NAV3: variants seen among roughly 807,000 people sequenced by gnomAD.
NAV3 encodes the protein pore membrane and/or filament interacting like protein 1.
NAV3 carries 87 observed loss-of-function variants against 244.7 expected under a neutral mutation model. The observed-to-expected ratio is 0.36, with a 90% confidence interval of 0.30 to 0.42. The LOEUF is 0.42. Ranked by LOEUF, NAV3 falls within the 20% of genes least tolerant of loss-of-function variation. The pLI, the probability that NAV3 is intolerant of heterozygous loss-of-function variation, is 1.00. For missense variants in NAV3, 2,663 were observed against 2,893.3 expected, an observed-to-expected ratio of 0.92 and a Z score of 1.83; for synonymous variants, 1,126 against 1,042.2, an observed-to-expected ratio of 1.08 and a Z score of -1.55.
intron 2 of NAV3, among the ~76,000 whole-genome samples, chr12:77,586,220 G>C (rs1869607877): frequency 6.6e-6 from 1 of 152,070 alleles, no homozygotes; most frequent in Non-Finnish European, 1.5e-5. Flanking sequence ...ATTGCTCCTG[G>C]TACTCTATTC....
At chr12:78,167,529 TAA>T (rs1317554009) in intron 23 of NAV3, among the ~76,000 whole-genome samples, 1 of 149,008 alleles carries the variant, frequency 6.7e-6, no homozygotes, top group Non-Finnish European at 1.5e-5. Context: ...TTTTTTTTTT[TAA>T]AGTGTCTAAG....
chr12:77,940,532 T>C, intron 2 of NAV3, 96 bp downstream of exon 2: 1 of 855,008 alleles, frequency 1.2e-6, no homozygotes, highest in Non-Finnish European at 1.9e-6. Context: ...AACTGGTCCA[T>C]GTGTCTCTGA....
intron 2 of NAV3, among the ~76,000 whole-genome samples, chr12:77,804,258 C>A (rs1170853128): frequency 6.6e-6 from 1 of 152,068 alleles, no homozygotes; most frequent in Non-Finnish European, 1.5e-5. Flanking sequence ...CCTAGGTTTT[C>A]TTCTAGGGTT....
intron 2 of NAV3, among the ~76,000 whole-genome samples, chr12:77,812,328 C>A (rs1376088335): frequency 1.3e-5 from 2 of 152,032 alleles, no homozygotes; most frequent in African/African-American, 4.8e-5. Context: ...TTTCATTTCC[C>A]TCCTCTAAAC....
intron 36 of NAV3, chr12:78,199,039 A>G (rs1250374014): frequency 5.4e-6 from 3 of 557,796 alleles, no homozygotes; most frequent in Admixed American, 2.2e-5. Flanking sequence ...GAGAGTTGCT[A>G]TTTCAGGATT....
At chr12:77,770,500 A>G (rs937177482) in intron 2 of NAV3, among the ~76,000 whole-genome samples, 7 of 152,208 alleles carry the variant, frequency 4.6e-5, no homozygotes, top group Non-Finnish European at 1.0e-4. Context: ...AAACTTCTTT[A>G]GAGCTCTTAA....
intron 12 of NAV3, among the ~76,000 whole-genome samples, chr12:78,096,853 A>G (rs1377554404): frequency 6.6e-6 from 1 of 152,090 alleles, no homozygotes; most frequent in African/African-American, 2.4e-5. Flanking sequence ...CTTTCCAGTT[A>G]CTGTAACTCC....
At chr12:77,688,579 A>G (rs1874864430) in intron 2 of NAV3, among the ~76,000 whole-genome samples, 1 of 152,066 alleles carries the variant, frequency 6.6e-6, no homozygotes, top group Non-Finnish European at 1.5e-5. Flanking sequence ...ATGAGGTGAC[A>G]GAAATATGAC....
At chr12:78,170,119 T>C (rs1320610436) in intron 24 of NAV3, among the ~76,000 whole-genome samples, 5 of 151,762 alleles carry the variant, frequency 3.3e-5, no homozygotes, top group African/African-American at 1.2e-4. Context: ...GGCCAGGCTC[T>C]GTATATCCAG....
intron 2 of NAV3, among the ~76,000 whole-genome samples, chr12:77,725,509 G>C (rs1876836700): frequency 6.6e-6 from 1 of 151,012 alleles, no homozygotes; most frequent in African/African-American, 2.4e-5. Flanking sequence ...TTAATTTCAT[G>C]TGCTCAGTAA....
At position 78,039,195 on chromosome 12, in the gene NAV3, T is replaced by C. The variant is rs181474758; in HGVS notation, c.2024-10798T>C. 2.7e-4 allele frequency among the ~76,000 whole-genome samples: 41 copies of C among 152,216 alleles called. 1 individual carries two copies. The highest frequency in any genetic ancestry group is 2.5e-3 in the Admixed American group (38 of 15,290). ...ATGCAATTCCCTAAATAATGATCCA[T>C]GTTAAGTTGTTGAATATATCTACGC... On this transcript the variant is annotated intron_variant, in intron 9 of 39. Transcript: ENST00000397909.
intron 2 of NAV3, among the ~76,000 whole-genome samples, chr12:77,794,152 C>A (rs923482820): frequency 6.6e-6 from 1 of 152,070 alleles, no homozygotes; most frequent in Non-Finnish European, 1.5e-5. Context: ...TATACTTCAC[C>A]CACTTTTTGC....
chr12:77,603,912 C>T (rs1870553801), intron 2 of NAV3, among the ~76,000 whole-genome samples: 1 of 152,038 alleles, frequency 6.6e-6, no homozygotes, highest in African/African-American at 2.4e-5. Flanking sequence ...AGTCCTCATA[C>T]AAAAGCTAGA....
At chr12:78,104,539 C>T (rs1000071235) in intron 12 of NAV3, among the ~76,000 whole-genome samples, 4 of 152,082 alleles carry the variant, frequency 2.6e-5, no homozygotes, top group Non-Finnish European at 5.9e-5. Context: ...AAGATTGGCC[C>T]CATCGAGTTA....
At chr12:78,008,994 T>A (rs1336571082) in intron 8 of NAV3, among the ~76,000 whole-genome samples, 2 of 152,198 alleles carry the variant, frequency 1.3e-5, no homozygotes, top group Admixed American at 1.3e-4. Flanking sequence ...TGTAAAAACA[T>A]CAATCCTTTC....
At chr12:77,950,183 G>A (rs908982707) in intron 3 of NAV3, among the ~76,000 whole-genome samples, 3 of 152,074 alleles carry the variant, frequency 2.0e-5, no homozygotes, top group Admixed American at 2.0e-4. Flanking sequence ...ATACTAATAA[G>A]TGTGATTGAT....
intron 23 of NAV3, among the ~76,000 whole-genome samples, chr12:78,167,607 C>G (rs2139535353): frequency 6.6e-6 from 1 of 150,684 alleles, no homozygotes; most frequent in South Asian, 2.1e-4. Context: ...TGTGGATGAT[C>G]TTTTTAAAAT....
In NAV3 at chr12:78,210,454, C is replaced by T. The variant is rs763140795; in HGVS notation, c.7095C>T (p.Cys2365=). 12 of 1,613,634 alleles carry T rather than the reference C, an allele frequency of 7.4e-6. No homozygotes were observed. The highest frequency in any genetic ancestry group is 4.4e-5 in the South Asian group (4 of 91,074). Residue 2365 remains cysteine (C), a synonymous_variant, in exon 40 of 40, where the codon TGC becomes TGT. Transcript: ENST00000397909. ...EAANYSSTQS[C]DSESTSHHED... is the part of the protein sequence containing the mutation. Reference sequence around the variant, plus strand: ...CCAATTACTCGAGCACACAAAGCTGCGACAGCGAAAGCACCAGCCACCATG... The same window carrying T: ...CCAATTACTCGAGCACACAAAGCTGTGACAGCGAAAGCACCAGCCACCATG...
At chr12:77,961,025 T>C (rs1414422250) in intron 3 of NAV3, among the ~76,000 whole-genome samples, 1 of 132,542 alleles carries the variant, frequency 7.5e-6, no homozygotes, top group Non-Finnish European at 1.6e-5. Flanking sequence ...ATATGTTACA[T>C]GTATACGCAT....
Sources: gnomAD v4.1 joint callset for allele counts (sites outside exome capture counted in the v4.1 genomes callset) on GRCh38, gnomAD v4.1.1 for gene constraint, MANE v1.5 for transcripts, NCBI Gene and HGNC (gene_info 2026-07-23, HGNC 2026-07-21) for gene names.